QSOX1: variants seen among roughly 807,000 people sequenced by gnomAD.
QSOX1 encodes quiescin sulfhydryl oxidase 1, also known as sulfhydryl oxidase 1.
QSOX1 carries 40 observed loss-of-function variants against 76.1 expected under a neutral mutation model. That is an observed-to-expected ratio of 0.53 (90% CI 0.41 to 0.68). The LOEUF (loss-of-function observed/expected upper bound fraction) is 0.68, where lower values mean the gene tolerates loss of function less well. Among genes scored for constraint, QSOX1 ranks in the 30% least tolerant of loss-of-function variants. QSOX1 has a pLI of 0.00. For missense variants in QSOX1, 931 were observed against 974.3 expected (o/e 0.96, Z 0.59); for synonymous variants, 392 against 413.1 (o/e 0.95, Z 0.62).
chr1:180,176,552 G>A (rs1193216247), intron 4 of QSOX1, among the ~76,000 whole-genome samples: 1 of 152,204 alleles, frequency 6.6e-6, no homozygotes, highest in East Asian at 1.9e-4. Context: ...CAGAGCATCA[G>A]GTGCAGTGGC....
At position 180,197,550 on chromosome 1, in the gene QSOX1, T is replaced by A; in HGVS notation, c.*513T>A. The A allele has an allele frequency of 1.4e-6, 1 of 699,264 alleles. No homozygotes were observed. Among genetic ancestry groups the A allele is most frequent in the Non-Finnish European group, 2.3e-6 (1 of 427,760 alleles). 43.3% of individuals were successfully genotyped at this position (699,264 alleles called of 1,614,324 possible). ...AGGAAGGACCACCCCGGGCCCTCTATGCCTGGCCAGCCTCCAGCTCCTCAG... is the reference window on the plus strand; with the variant it reads ...AGGAAGGACCACCCCGGGCCCTCTAAGCCTGGCCAGCCTCCAGCTCCTCAG... On this transcript the variant is annotated 3_prime_UTR_variant, in exon 12 of 12. Transcript: ENST00000367602.
rs1663659563 is a variant in QSOX1, at chr1:180,202,693, G to GAAA, written c.*5656_*5657insAAA. On this transcript the variant is annotated 3_prime_UTR_variant, in exon 12 of 12. Coordinates refer to ENST00000367602, the MANE Select transcript of QSOX1 (RefSeq NM_002826.5). Reference sequence around the variant, plus strand: ...GCTAATGCAAAAAAAAAAAAAAAAGGGGAAATATAATTGAATACTTCACTG... The same window carrying GAAA: ...GCTAATGCAAAAAAAAAAAAAAAAGGAAAGGAAATATAATTGAATACTTCACTG... 2.6e-5 allele frequency: 3 copies of GAAA among 115,652 alleles called. No homozygotes were observed. The highest frequency in any genetic ancestry group is 2.8e-4 in the South Asian group (1 of 3,620). 7.2% of individuals were successfully genotyped at this position (115,652 alleles called of 1,614,324 possible). A position where few individuals can be genotyped will look rare whatever the true frequency, so the allele number is the denominator to read the frequency against.
chr1:180,165,943 C>T (rs1224447352), intron 1 of QSOX1, among the ~76,000 whole-genome samples: 3 of 152,258 alleles, frequency 2.0e-5, no homozygotes, highest in East Asian at 3.8e-4. Flanking sequence ...CCAGATGCTC[C>T]TGTTTCTGTC....
rs1307315967 is a variant in QSOX1 at position 180,197,498 on chromosome 1, A to G, written c.*461A>G. On this transcript the variant is annotated 3_prime_UTR_variant, in exon 12 of 12. Coordinates refer to ENST00000367602, the MANE Select transcript of QSOX1 (RefSeq NM_002826.5). The stretch of plus-strand genomic sequence containing the variant: ...CTCCGCCCACCCTGCTCCCTTCCGG[A>G]CAATGAAGAAGCCTTTGCACCCTGG... 1.7e-6 allele frequency: 2 copies of G among 1,195,486 alleles called. No homozygotes were observed. Among genetic ancestry groups the G allele is most frequent in the Non-Finnish European group, 2.4e-6 (2 of 835,730 alleles). The allele number at this position is 1,195,486 out of a possible 1,614,324, so 74.1% of individuals were successfully genotyped here.
At chr1:180,178,011 A>G (rs1662940289) in intron 4 of QSOX1, among the ~76,000 whole-genome samples, 1 of 152,108 alleles carries the variant, frequency 6.6e-6, no homozygotes, top group Non-Finnish European at 1.5e-5. Flanking sequence ...TTGCTTTTTA[A>G]TGCCTGCTCT....
chr1:180,190,786 G>C (rs1663289462), intron 10 of QSOX1, among the ~76,000 whole-genome samples: 1 of 152,200 alleles, frequency 6.6e-6, no homozygotes, highest in Non-Finnish European at 1.5e-5. Flanking sequence ...ATCCCAGGAG[G>C]GAGCAGACTT....
chr1:180,175,779 C>A lies in QSOX1; in HGVS notation c.413-152C>A, dbSNP rs1465977577. 4 of 646,394 alleles carry A rather than the reference C, an allele frequency of 6.2e-6. No homozygotes were observed. In the East Asian group the frequency reaches 8.2e-5, roughly 13 times the overall value. 40.0% of individuals were successfully genotyped at this position (646,394 alleles called of 1,614,324 possible). On this transcript the variant is annotated intron_variant, in intron 3 of 11. Transcript: ENST00000367602. ...ACAGGAGGACTACTCAAGCCCCATT[C>A]TTCTAGCACAGGGAAGGACTGACGC...
chr1:180,194,084 C>G (rs1308978315), intron 10 of QSOX1, 129 bp from the exon 11 acceptor site: 1 of 745,510 alleles, frequency 1.3e-6, no homozygotes, highest in African/African-American at 1.8e-5. Context: ...CTGGCATAGG[C>G]TGGGGTGTGT....
chr1:180,185,834 A>G (rs1364811802), intron 7 of QSOX1, among the ~76,000 whole-genome samples: 1 of 152,240 alleles, frequency 6.6e-6, no homozygotes, highest in Non-Finnish European at 1.5e-5. Flanking sequence ...GCAATGTGTT[A>G]TTCATATCTT....
At chr1:180,191,548 T>G (rs1663313441) in intron 10 of QSOX1, among the ~76,000 whole-genome samples, 2 of 152,194 alleles carry the variant, frequency 1.3e-5, no homozygotes, top group Admixed American at 1.3e-4. Flanking sequence ...GCGCTGCAGG[T>G]GCCGGGGACA....
rs115383318 is a variant in QSOX1 at position 180,196,785 on chromosome 1, C to T, written c.1992C>T (p.Gly664=). ...GGGCTGAGAAGAACCGCCTCTGGGG[C>T]CCTTTGGAGGTCAGGCGCGTGGGCC... ...ESRAEKNRLW[G]PLEVRRVGRS... Residue 664 remains glycine (G), a synonymous_variant, in exon 12 of 12, where the codon GGC becomes GGT. Coordinates refer to ENST00000367602, the MANE Select transcript of QSOX1 (RefSeq NM_002826.5). The surrounding 1 kb of genome is among the most constrained non-coding windows in gnomAD (Gnocchi z 4.1). 1,897 of 1,614,092 alleles carry T rather than the reference C, an allele frequency of 1.2e-3. 15 individuals carry two copies. The African/African-American group carries it at 0.023, about 19-fold the overall frequency.
intron 8 of QSOX1, among the ~76,000 whole-genome samples, chr1:180,189,110 G>A (rs1158522836): frequency 1.3e-5 from 2 of 152,158 alleles, no homozygotes; most frequent in Admixed American, 1.3e-4. Context: ...AACCCAGCTG[G>A]CCAGTCAGTT....
chr1:180,175,342 A>G lies in QSOX1; in HGVS notation c.388A>G (p.Asn130Asp). 1 of 1,613,990 alleles carries G rather than the reference A, an allele frequency of 6.2e-7. No homozygotes were observed. Among genetic ancestry groups the G allele is most frequent in the Non-Finnish European group, 8.5e-7 (1 of 1,179,976 alleles). Residue 130 changes from asparagine to aspartate, a missense_variant, in exon 3 of 12, where the codon AAC (asparagine) becomes GAC (aspartate). By Grantham distance (23) the Asn-to-Asp change is conservative. Coordinates refer to ENST00000367602, the MANE Select transcript of QSOX1 (RefSeq NM_002826.5). ...TVRFFKAFTK[N>D]GSGAVFPVAG... is the part of the protein sequence containing the mutation. Reference sequence around the variant, plus strand: ...CCAGTTCTTCAAGGCCTTTACCAAGAACGGCTCGGGAGCAGTATTTCCAGG... The same window carrying G: ...CCAGTTCTTCAAGGCCTTTACCAAGGACGGCTCGGGAGCAGTATTTCCAGG...
At position 180,199,869 on chromosome 1, in the gene QSOX1, G is replaced by A. The variant is rs1221515660; in HGVS notation, c.*2832G>A. 1 of 151,860 alleles carries A rather than the reference G, an allele frequency of 6.6e-6. No homozygotes were observed. The highest frequency in any genetic ancestry group is 2.4e-5 in the African/African-American group (1 of 41,330). The allele number at this position is 151,860 out of a possible 1,614,324, so 9.4% of individuals were successfully genotyped here. A position where few individuals can be genotyped will look rare whatever the true frequency, so the allele number is the denominator to read the frequency against. ...ACAGCCCTGAGGGGCTGCTCCATGCGGCATTCTTGGAGGTCCAAGAGGGGC... is the reference window on the plus strand; with the variant it reads ...ACAGCCCTGAGGGGCTGCTCCATGCAGCATTCTTGGAGGTCCAAGAGGGGC... On this transcript the variant is annotated 3_prime_UTR_variant, in exon 12 of 12. Coordinates refer to ENST00000367602, the MANE Select transcript of QSOX1 (RefSeq NM_002826.5).
intron 6 of QSOX1, 55 bp from the exon 7 acceptor site, chr1:180,183,861 C>T: frequency 6.5e-7 from 1 of 1,543,180 alleles, no homozygotes; most frequent in African/African-American, 1.4e-5. Flanking sequence ...TTGGTTAGCT[C>T]TAATCTTGTT....
chr1:180,196,906 T>C lies in QSOX1; in HGVS notation c.2113T>C (p.Phe705Leu). 1.9e-6 allele frequency: 3 copies of C among 1,592,992 alleles called. No homozygotes were observed. The highest frequency in any genetic ancestry group is 1.7e-6 in the Non-Finnish European group (2 of 1,167,396). Reference protein sequence around the residue: ...GQWLQVLGGGFSYLDISLCVG... With the variant: ...GQWLQVLGGGLSYLDISLCVG... ...GTGGCTGCAGGTGCTGGGAGGGGGC[T>C]TCTCTTACCTGGACATCAGCCTCTG... is the stretch of plus-strand genomic sequence containing the variant. The change falls in exon 12 of 12, where the codon TTC (phenylalanine) becomes CTC (leucine). Residue 705 changes from phenylalanine to leucine, a missense_variant. Phe to Leu is a conservative substitution (Grantham distance 22). Transcript: ENST00000367602. The surrounding 1 kb of genome is among the most constrained non-coding windows in gnomAD (Gnocchi z 4.1).
intron 10 of QSOX1, among the ~76,000 whole-genome samples, chr1:180,191,816 G>A (rs1023885499): frequency 1.3e-5 from 2 of 152,186 alleles, no homozygotes; most frequent in African/African-American, 4.8e-5. Context: ...TGGTGTCCTT[G>A]GGCTGCACTC....
rs1428721297 is a variant in QSOX1 at position 180,197,360 on chromosome 1, C to G, written c.*323C>G. On this transcript the variant is annotated 3_prime_UTR_variant, in exon 12 of 12. Coordinates refer to ENST00000367602, the MANE Select transcript of QSOX1 (RefSeq NM_002826.5). ...TATTTGAAGTCCTGCCTCATTCTCA[C>G]TGGAGCCTCAGTCTCTCCTGCTTGG... 6.2e-7 allele frequency: 1 copy of G among 1,614,008 alleles called. No individual in the cohort carries two copies. Among genetic ancestry groups the G allele is most frequent in the Non-Finnish European group, 8.5e-7 (1 of 1,180,018 alleles).
Position 180,196,750 on chromosome 1 carries a change from G to T in QSOX1, c.1957G>T (p.Ala653Ser), listed in dbSNP as rs199712670. 1 of 1,614,124 alleles carries T rather than the reference G, an allele frequency of 6.2e-7. No homozygotes were observed. Residue 653 changes from alanine to serine, a missense_variant, in exon 12 of 12, where the codon GCT (alanine) becomes TCT (serine). Coordinates refer to ENST00000367602, the MANE Select transcript of QSOX1 (RefSeq NM_002826.5). This position sits in a 1 kb window ranked among gnomAD's most constrained non-coding sequence, Gnocchi z 4.1. ...SKRDTGAALLAESRAEKNRLW... is the reference protein window; with the variant it reads ...SKRDTGAALLSESRAEKNRLW... Reference sequence around the variant, plus strand: ...GCGAGACACAGGGGCTGCATTGCTGGCTGAGTCCAGGGCTGAGAAGAACCG... The same window carrying T: ...GCGAGACACAGGGGCTGCATTGCTGTCTGAGTCCAGGGCTGAGAAGAACCG...
Sources: gnomAD v4.1 joint callset for allele counts (sites outside exome capture counted in the v4.1 genomes callset) on GRCh38, gnomAD v4.1.1 for gene constraint, Gnocchi (gnomAD v3.1) non-coding constraint, MANE v1.5 for transcripts, NCBI Gene and HGNC (gene_info 2026-07-23, HGNC 2026-07-21) for gene names.